Variants in PPA2 observed in about 807,000 individuals in gnomAD.
The protein encoded by PPA2 is inorganic pyrophosphatase 2.
A neutral mutation model predicts 49.5 loss-of-function variants in PPA2; 48 were observed. That is an observed-to-expected ratio of 0.97 (90% CI 0.77 to 1.23). The LOEUF (loss-of-function observed/expected upper bound fraction) is 1.23, where lower values mean the gene tolerates loss of function less well. PPA2 is among the 50% of genes most tolerant of loss of function. The pLI, the probability that PPA2 is intolerant of heterozygous loss-of-function variation, is 0.00. For synonymous variants in PPA2, 131 were observed against 139.9 expected (o/e 0.94, Z 0.45); for missense variants, 429 against 410.1 (o/e 1.05, Z -0.40).
At chr4:105,411,774 T>G (rs1353571941) in intron 7 of PPA2, among the ~76,000 whole-genome samples, 1 of 152,132 alleles carries the variant, frequency 6.6e-6, no homozygotes, top group East Asian at 1.9e-4. Flanking sequence ...GCAAAAATCA[T>G]GAGCATTCCT....
chr4:105,446,523 A>G (rs764785237), intron 4 of PPA2, 21 bp from the exon 5 acceptor site: 11 of 1,594,024 alleles, frequency 6.9e-6, no homozygotes, highest in Non-Finnish European at 7.7e-6. Flanking sequence ...CACAGAAGGA[A>G]GAAAAGGAGA....
chr4:105,425,640 AT>A (rs1723462703), intron 6 of PPA2, among the ~76,000 whole-genome samples: 1 of 152,078 alleles, frequency 6.6e-6, no homozygotes, highest in African/African-American at 2.4e-5. Context: ...AGGCCAAAAA[AT>A]ATTTGAATAA....
chr4:105,405,397 C>T (rs895228527), intron 7 of PPA2: 154 of 782,276 alleles, frequency 2.0e-4, no homozygotes, highest in South Asian at 1.0e-3. Context: ...ACAACAGACA[C>T]GTTTACTTTT....
chr4:105,421,368 G>T (rs1356141464), intron 7 of PPA2, among the ~76,000 whole-genome samples: 1 of 152,052 alleles, frequency 6.6e-6, no homozygotes, highest in Non-Finnish European at 1.5e-5. Flanking sequence ...GTGGGAGGTA[G>T]GAAGAAAAAC....
At chr4:105,386,905 G>C (rs566741789) in intron 9 of PPA2, among the ~76,000 whole-genome samples, 1 of 152,048 alleles carries the variant, frequency 6.6e-6, no homozygotes, top group South Asian at 2.1e-4. Context: ...TAATTTCCAG[G>C]TATATATAAA....
intron 1 of PPA2, among the ~76,000 whole-genome samples, chr4:105,472,490 G>C (rs1353732303): frequency 1.3e-5 from 2 of 152,144 alleles, no homozygotes; most frequent in Non-Finnish European, 2.9e-5. Flanking sequence ...GCAGTAGACA[G>C]GCCTTTTTTC....
intron 10 of PPA2, among the ~76,000 whole-genome samples, chr4:105,378,355 T>C (rs925010757): frequency 3.3e-5 from 5 of 152,144 alleles, no homozygotes; most frequent in Non-Finnish European, 2.9e-5. Context: ...TGCTCATTCA[T>C]ATATTTTGTA....
At chr4:105,389,934 A>G (rs1303125570) in intron 9 of PPA2, among the ~76,000 whole-genome samples, 5 of 152,216 alleles carry the variant, frequency 3.3e-5, no homozygotes, top group Non-Finnish European at 1.5e-5. Context: ...GAGGCTATCA[A>G]TACATAAAAA....
chr4:105,399,202 C>G (rs1296632807), intron 7 of PPA2, 38 bp from the exon 8 acceptor site: 2 of 1,564,044 alleles, frequency 1.3e-6, no homozygotes, highest in Middle Eastern at 1.7e-4. Context: ...TTGTTAAGAA[C>G]CAAAATTAAT....
chr4:105,421,239 T>G (rs1723238525), intron 7 of PPA2, among the ~76,000 whole-genome samples: 1 of 152,144 alleles, frequency 6.6e-6, no homozygotes, highest in Admixed American at 6.5e-5. Context: ...TCTTCCAAAG[T>G]AATAATTTGA....
intron 10 of PPA2, among the ~76,000 whole-genome samples, chr4:105,382,124 A>G (rs958560300): frequency 6.6e-6 from 1 of 151,994 alleles, no homozygotes; most frequent in Non-Finnish European, 1.5e-5. Context: ...TTTAGTTTTA[A>G]ATATAAATTA....
Position 105,471,685 on chromosome 4 carries a change from AC to A in PPA2, c.157+2208del, listed in dbSNP as rs142859942. Among the ~76,000 whole-genome samples, 746 of 152,216 alleles carry A rather than the reference AC, an allele frequency of 4.9e-3. 6 individuals carry two copies. The highest frequency in any genetic ancestry group is 0.016 in the African/African-American group (650 of 41,530). ...GCAATTTATTCGTTGCTTTCCCCTT[AC>A]CCCATTCGCCCTAGAGTGGCTTCGT... On this transcript the variant is annotated intron_variant, in intron 1 of 11. Transcript: ENST00000341695.
intron 1 of PPA2, among the ~76,000 whole-genome samples, chr4:105,461,415 C>T (rs1723087181): frequency 6.6e-6 from 1 of 152,206 alleles, no homozygotes; most frequent in African/African-American, 2.4e-5. Flanking sequence ...GGAGGGAACG[C>T]TGGTCAGTTG....
intron 1 of PPA2, among the ~76,000 whole-genome samples, chr4:105,463,192 CA>C (rs1723164433): frequency 6.6e-6 from 1 of 152,130 alleles, no homozygotes; most frequent in Non-Finnish European, 1.5e-5. Flanking sequence ...ATGATATGGA[CA>C]ATGAAATCCA....
chr4:105,425,961 C>A (rs1458858675), intron 6 of PPA2, among the ~76,000 whole-genome samples: 5 of 152,030 alleles, frequency 3.3e-5, no homozygotes, highest in African/African-American at 9.7e-5. Context: ...GAAATGAAAT[C>A]TTTAAAATTC....
chr4:105,431,810 T>C lies in PPA2; in HGVS notation c.528+6140A>G, dbSNP rs185849135. ...GGATGAATCTCAAAAGCACACTAAG[T>C]GAAAGGGGCCAGACACAAAAGGTTA... On this transcript the variant is annotated intron_variant, in intron 6 of 11. Transcript: ENST00000341695. 3.4e-3 allele frequency among the ~76,000 whole-genome samples: 519 copies of C among 152,110 alleles called. 3 individuals are homozygous for C. Among genetic ancestry groups the C allele is most frequent in the Middle Eastern group, 0.01 (3 of 294 alleles).
At chr4:105,405,672 G>A in intron 7 of PPA2, 1 of 992,634 alleles carries the variant, frequency 1.0e-6, no homozygotes, top group Non-Finnish European at 1.2e-6. Flanking sequence ...TTGACAGGAG[G>A]GGCACTAAAT....
chr4:105,466,848 T>C (rs1437462197), intron 1 of PPA2, among the ~76,000 whole-genome samples: 1 of 152,186 alleles, frequency 6.6e-6, no homozygotes, highest in Non-Finnish European at 1.5e-5. Flanking sequence ...GTGCAACGTG[T>C]TTACTGGAGT....
chr4:105,473,951 G>A lies in PPA2; in HGVS notation c.100C>T (p.Leu34=). The stretch of plus-strand genomic sequence containing the variant: ...TGGCCGCGCTCCTCAGTGTGGTACA[G>A]GGCCATAGCACGGCGCGACCCGGTC... ...AGTGSRRAMA[L]YHTEERGQPC... The change falls in exon 1 of 12, where the codon CTG becomes TTG. Residue 34 remains leucine (L), a synonymous_variant. Transcript: ENST00000341695. The A allele has an allele frequency of 6.2e-7, 1 of 1,612,556 alleles. No individual in the cohort carries two copies.
Sources: allele counts gnomAD v4.1 joint callset (sites outside exome capture counted in the v4.1 genomes callset), GRCh38; gene constraint gnomAD v4.1.1; transcripts MANE v1.5; gene names NCBI Gene and HGNC (gene_info 2026-07-23, HGNC 2026-07-21).